XPR1: variants seen among roughly 807,000 people sequenced by gnomAD.
The protein encoded by XPR1 is solute carrier family 53 member 1.
XPR1 carries 28 observed loss-of-function variants against 87.5 expected under a neutral mutation model. The observed-to-expected ratio is 0.32, with a 90% CI of 0.24 to 0.44. The LOEUF (loss-of-function observed/expected upper bound fraction) is 0.44, where lower values mean the gene tolerates loss of function less well. XPR1 is among the 20% of genes least tolerant of loss of function. The pLI is 1.00. For missense variants in XPR1, 559 were observed against 862.3 expected (o/e 0.65, Z 4.41); for synonymous variants, 300 against 306.1 (o/e 0.98, Z 0.21).
intron 2 of XPR1, among the ~76,000 whole-genome samples, chr1:180,757,954 A>C (rs1353632836): frequency 1.4e-5 from 2 of 144,544 alleles, no homozygotes; most frequent in African/African-American, 5.0e-5. Context: ...CTTTATGTTG[A>C]TGTTGATATG....
intron 2 of XPR1, among the ~76,000 whole-genome samples, chr1:180,702,734 T>C (rs1657391178): frequency 6.6e-6 from 1 of 152,122 alleles, no homozygotes; most frequent in African/African-American, 2.4e-5. Flanking sequence ...TCTCATTGAG[T>C]TTCTTTAATA....
At chr1:180,873,651 C>A in intron 12 of XPR1, 152 bp from the exon 13 acceptor site, 2 of 817,286 alleles carry the variant, frequency 2.4e-6, no homozygotes, top group Non-Finnish European at 3.7e-6. Flanking sequence ...ATAATGTGTA[C>A]TTCCCTGCAA....
At chr1:180,708,162 C>A (rs1209387964) in intron 2 of XPR1, among the ~76,000 whole-genome samples, 3 of 152,180 alleles carry the variant, frequency 2.0e-5, no homozygotes, top group African/African-American at 7.2e-5. Flanking sequence ...AATTGAACAT[C>A]TATTACAAAT....
intron 2 of XPR1, among the ~76,000 whole-genome samples, chr1:180,696,841 T>C (rs190022907): frequency 6.6e-6 from 1 of 152,364 alleles, no homozygotes; most frequent in African/African-American, 2.4e-5. Flanking sequence ...AAATCCCACT[T>C]GATCGTGGTG....
intron 14 of XPR1, among the ~76,000 whole-genome samples, chr1:180,882,960 G>C (rs1309314629): frequency 2.0e-5 from 3 of 149,106 alleles, no homozygotes; most frequent in African/African-American, 7.7e-5. Context: ...TTGTTTTTTG[G>C]GGGTTGGTTG....
intron 2 of XPR1, among the ~76,000 whole-genome samples, chr1:180,760,022 A>G (rs959826478): frequency 5.9e-5 from 9 of 152,236 alleles, no homozygotes; most frequent in African/African-American, 1.9e-4. Flanking sequence ...TCACATGATT[A>G]TCTCAATAGA....
chr1:180,659,819 G>T (rs1034098371), intron 1 of XPR1, among the ~76,000 whole-genome samples: 3 of 151,900 alleles, frequency 2.0e-5, no homozygotes, highest in Non-Finnish European at 2.9e-5. Context: ...GCCCAGCCTA[G>T]TTTTCTTTTT....
At chr1:180,720,473 G>T (rs1260518008) in intron 2 of XPR1, among the ~76,000 whole-genome samples, 1 of 152,122 alleles carries the variant, frequency 6.6e-6, no homozygotes, top group Non-Finnish European at 1.5e-5. Flanking sequence ...GAAAATCATT[G>T]ATGTAAAGCA....
chr1:180,841,691 C>T (rs1420899941), intron 11 of XPR1, among the ~76,000 whole-genome samples: 1 of 152,106 alleles, frequency 6.6e-6, no homozygotes, highest in African/African-American at 2.4e-5. Flanking sequence ...GCTACTTACT[C>T]ACCGAACACT....
chr1:180,879,969 C>G (rs1571255190), intron 13 of XPR1, 107 bp from the exon 14 acceptor site: 3 of 1,196,844 alleles, frequency 2.5e-6, no homozygotes, highest in Middle Eastern at 2.0e-4. Context: ...GCCCTTAATT[C>G]TTTGTTTTTG....
At chr1:180,655,231 T>C (rs1162574420) in intron 1 of XPR1, among the ~76,000 whole-genome samples, 1 of 152,202 alleles carries the variant, frequency 6.6e-6, no homozygotes, top group Non-Finnish European at 1.5e-5. Flanking sequence ...TGGAGAAATA[T>C]CTGTTCAAGT....
At chr1:180,684,304 C>T (rs1020979470) in intron 2 of XPR1, among the ~76,000 whole-genome samples, 16 of 152,154 alleles carry the variant, frequency 1.1e-4, no homozygotes, top group African/African-American at 3.6e-4. Flanking sequence ...TCTGAGGGCT[C>T]TGTGCTGTTC....
intron 11 of XPR1, among the ~76,000 whole-genome samples, chr1:180,845,729 C>T (rs954919340): frequency 1.4e-5 from 2 of 141,790 alleles, no homozygotes; most frequent in Non-Finnish European, 3.0e-5. Flanking sequence ...ACTACTGTTG[C>T]CCAGGCTAGT....
chr1:180,683,652 A>AG (rs1656665193), intron 2 of XPR1, among the ~76,000 whole-genome samples: 4 of 152,046 alleles, frequency 2.6e-5, no homozygotes, highest in South Asian at 2.1e-4. Flanking sequence ...TTTAATGATC[A>AG]TCATTCTAAC....
At chr1:180,694,220 A>G (rs1657089598) in intron 2 of XPR1, among the ~76,000 whole-genome samples, 1 of 152,168 alleles carries the variant, frequency 6.6e-6, no homozygotes, top group African/African-American at 2.4e-5. Context: ...TGGCCTCCCA[A>G]AGTGCTGGGA....
intron 2 of XPR1, among the ~76,000 whole-genome samples, chr1:180,784,737 T>C (rs911734489): frequency 1.3e-5 from 2 of 152,066 alleles, no homozygotes; most frequent in African/African-American, 4.8e-5. Context: ...TGATGTATAA[T>C]TCATTCTTTT....
intron 2 of XPR1, among the ~76,000 whole-genome samples, chr1:180,784,658 A>C (rs1316678684): frequency 6.6e-6 from 1 of 151,942 alleles, no homozygotes; most frequent in Non-Finnish European, 1.5e-5. Context: ...TTTTTATAGT[A>C]TTTTATATCA....
intron 2 of XPR1, among the ~76,000 whole-genome samples, chr1:180,698,126 A>G (rs963531109): frequency 2.6e-5 from 4 of 152,102 alleles, no homozygotes; most frequent in Non-Finnish European, 2.9e-5. Context: ...GGTGTTGGGT[A>G]CATACATGTT....
chr1:180,859,423 T>A (rs1255215780), intron 11 of XPR1, among the ~76,000 whole-genome samples: 1 of 152,182 alleles, frequency 6.6e-6, no homozygotes, highest in African/African-American at 2.4e-5. Flanking sequence ...TGACTTGATT[T>A]TCTGTGATTC....
Sources: allele counts gnomAD v4.1 joint callset (sites outside exome capture counted in the v4.1 genomes callset), GRCh38; gene constraint gnomAD v4.1.1; transcripts MANE v1.5; gene names NCBI Gene and HGNC (gene_info 2026-07-23, HGNC 2026-07-21).